PRDM1: variants seen among roughly 807,000 people sequenced by gnomAD.
PRDM1 encodes PR/SET domain 1.
PRDM1 carries 13 observed loss-of-function variants against 62.8 expected under a neutral mutation model. That is an observed-to-expected ratio of 0.21 (90% CI 0.13 to 0.33). PRDM1 has a LOEUF of 0.33. PRDM1 is among the 10% of genes least tolerant of loss of function. The pLI is 1.00. For missense variants in PRDM1, 895 were observed against 1,058.8 expected (o/e 0.85, Z 2.15); for synonymous variants, 396 against 417.6 (o/e 0.95, Z 0.63).
chr6:106,107,559 T>C lies in PRDM1; in HGVS notation c.*73T>C. ...GTCAGGGTGCCTGTAGGAAGTGGCT[T>C]GTACATAATCCCAGCTCTGCAAAGC... On this transcript the variant is annotated 3_prime_UTR_variant, in exon 7 of 7. Transcript: ENST00000369096. 7.4e-7 allele frequency: 1 copy of C among 1,347,706 alleles called. No individual in the cohort carries two copies. Among genetic ancestry groups the C allele is most frequent in the Non-Finnish European group, 1.0e-6 (1 of 989,970 alleles). 83.5% of individuals were successfully genotyped at this position (1,347,706 alleles called of 1,614,324 possible).
intron 1 of PRDM1, among the ~76,000 whole-genome samples, chr6:106,073,673 G>A (rs972795568): frequency 2.0e-5 from 3 of 152,282 alleles, no homozygotes; most frequent in Admixed American, 2.0e-4. Context: ...AACTTAGTAA[G>A]TGATTTCAAG....
At chr6:106,084,064 ATTTC>A (rs1346222238), upstream of PRDM1, among the ~76,000 whole-genome samples, 1 of 151,764 alleles carries the variant, frequency 6.6e-6, no homozygotes, top group African/African-American at 2.4e-5. Context: ...CCTTTCTTTT[ATTTC>A]TTCTTCCTTT....
intron 1 of PRDM1, among the ~76,000 whole-genome samples, chr6:106,031,562 A>T (rs1772844911): frequency 6.6e-6 from 1 of 152,188 alleles, no homozygotes; most frequent in South Asian, 2.1e-4. Flanking sequence ...GTTTCCTGAG[A>T]TTGGAGGGCA....
intron 1 of PRDM1, among the ~76,000 whole-genome samples, chr6:105,998,689 A>G (rs1194380804): frequency 1.3e-5 from 2 of 152,058 alleles, no homozygotes; most frequent in Admixed American, 6.5e-5. Flanking sequence ...ATAAAATGAC[A>G]TGAATTCCCA....
chr6:106,002,161 G>T (rs1221605129), intron 1 of PRDM1, among the ~76,000 whole-genome samples: 1 of 152,080 alleles, frequency 6.6e-6, no homozygotes, highest in African/African-American at 2.4e-5. Flanking sequence ...GAATTGAGAT[G>T]TAGAGGTAAG....
chr6:106,090,845 A>G (rs1773941730), intron 2 of PRDM1, among the ~76,000 whole-genome samples: 2 of 146,038 alleles, frequency 1.4e-5, no homozygotes. Context: ...TTACAAGACC[A>G]TTTTTCATTA....
At chr6:106,007,731 A>G (rs892487505) in intron 1 of PRDM1, among the ~76,000 whole-genome samples, 8 of 152,176 alleles carry the variant, frequency 5.3e-5, no homozygotes, top group African/African-American at 1.9e-4. Context: ...GAGGTTAGCT[A>G]ACAAGGTCAC....
intron 1 of PRDM1, among the ~76,000 whole-genome samples, chr6:106,000,105 T>C (rs1049424987): frequency 1.3e-5 from 2 of 152,230 alleles, no homozygotes; most frequent in African/African-American, 2.4e-5. Flanking sequence ...CGCCTTGGCC[T>C]CCCAAAGTGC....
At chr6:106,086,243 G>A (rs897973967), upstream of PRDM1, 1 of 386,356 alleles carries the variant, frequency 2.6e-6, no homozygotes, top group South Asian at 7.2e-5. Flanking sequence ...CCCTGGGCTC[G>A]GCCAGGTGGT....
intron 1 of PRDM1, among the ~76,000 whole-genome samples, chr6:106,058,079 A>C (rs181846883): frequency 6.6e-6 from 1 of 152,174 alleles, no homozygotes; most frequent in Admixed American, 6.5e-5. Context: ...ATTACATACC[A>C]CCCTGCACCA....
chr6:106,034,786 C>G (rs1772901538), intron 1 of PRDM1, among the ~76,000 whole-genome samples: 1 of 151,980 alleles, frequency 6.6e-6, no homozygotes, highest in Admixed American at 6.6e-5. Context: ...TGTGCACCAC[C>G]ACGCATGGCT....
chr6:106,088,052 ATAC>A, intron 1 of PRDM1, 146 bp from the exon 2 acceptor site: 1 of 752,366 alleles, frequency 1.3e-6, no homozygotes. Context: ...AGTTTACTTT[ATAC>A]GGCTTCTTGG....
intron 2 of PRDM1, among the ~76,000 whole-genome samples, chr6:106,090,643 T>C (rs1773937856): frequency 2.6e-5 from 4 of 152,248 alleles, no homozygotes; most frequent in African/African-American, 9.6e-5. Flanking sequence ...ACATTAAGGA[T>C]TGATGAAATG....
At chr6:106,021,114 AAC>A (rs1772692082) in intron 1 of PRDM1, among the ~76,000 whole-genome samples, 1 of 152,358 alleles carries the variant, frequency 6.6e-6, no homozygotes, top group East Asian at 1.9e-4. Flanking sequence ...TCTTAAGAAA[AAC>A]ACAAGTGTGT....
At chr6:106,089,785 G>A (rs1582461937) in intron 2 of PRDM1, among the ~76,000 whole-genome samples, 1 of 152,112 alleles carries the variant, frequency 6.6e-6, no homozygotes, top group South Asian at 2.1e-4. Context: ...ATTTGTTTGG[G>A]TATATGAGGT....
intron 1 of PRDM1, among the ~76,000 whole-genome samples, chr6:106,019,120 G>T (rs1772660437): frequency 6.6e-6 from 1 of 151,758 alleles, no homozygotes; most frequent in Non-Finnish European, 1.5e-5. Flanking sequence ...ACAAAAATTA[G>T]CTGGGGATGG....
In PRDM1 at chr6:106,105,945, G is replaced by C; in HGVS notation, c.1773+12G>C. The C allele has an allele frequency of 3.7e-6, 6 of 1,608,212 alleles. No individual in the cohort carries two copies. Among genetic ancestry groups the C allele is most frequent in the Non-Finnish European group, 4.2e-6 (5 of 1,176,800 alleles). On this transcript the variant is annotated intron_variant, in intron 5 of 6. Transcript: ENST00000369096. Reference sequence around the variant, plus strand: ...TCTCCAATCTGAAGGTAGGCCTTGAGAGAGAGCAGTCCAAGGGGCTGTGAG... The same window carrying C: ...TCTCCAATCTGAAGGTAGGCCTTGACAGAGAGCAGTCCAAGGGGCTGTGAG...
intron 1 of PRDM1, among the ~76,000 whole-genome samples, chr6:106,008,204 C>G (rs1437172606): frequency 6.6e-6 from 1 of 152,114 alleles, no homozygotes; most frequent in African/African-American, 2.4e-5. Context: ...AACTCCATCT[C>G]TACTAAAAAT....
At position 106,107,337 on chromosome 6, in the gene PRDM1, C is replaced by A; in HGVS notation, c.2329C>A (p.Gln777Lys). Reference sequence around the variant, plus strand: ...AGAAACTGGCCTGAAAGTGTCTTTGCAAAGAAACATGGGGAATGGACTCCT... The same window carrying A: ...AGAAACTGGCCTGAAAGTGTCTTTGAAAAGAAACATGGGGAATGGACTCCT... ...KEETGLKVSLQRNMGNGLLSS... is the reference protein window; with the variant it reads ...KEETGLKVSLKRNMGNGLLSS... The change falls in exon 7 of 7, where the codon CAA (glutamine) becomes AAA (lysine). Residue 777 changes from glutamine (Q) to lysine (K), a missense_variant. By Grantham distance (53) the Gln-to-Lys change is moderately conservative. Coordinates refer to ENST00000369096, the MANE Select transcript of PRDM1 (RefSeq NM_001198.4). 6.2e-7 allele frequency: 1 copy of A among 1,614,100 alleles called. No individual in the cohort carries two copies. The highest frequency in any genetic ancestry group is 1.1e-5 in the South Asian group (1 of 91,086).
Sources: gnomAD v4.1 joint callset for allele counts (sites outside exome capture counted in the v4.1 genomes callset) on GRCh38, gnomAD v4.1.1 for gene constraint, MANE v1.5 for transcripts, NCBI Gene and HGNC (gene_info 2026-07-23, HGNC 2026-07-21) for gene names.